EYS: variants seen among roughly 807,000 people sequenced by gnomAD.
EYS encodes protein eyes shut homolog.
EYS carries 250 observed loss-of-function variants against 282.1 expected under a neutral mutation model. The ratio of observed to expected loss-of-function variants is 0.89; its 90% CI spans 0.80 to 0.98. The LOEUF is 0.98. EYS is among the 50% of genes least tolerant of loss of function. The pLI, the probability that EYS is intolerant of heterozygous loss-of-function variation, is 0.00. For synonymous variants in EYS, 1,355 were observed against 1,282.9 expected, an observed-to-expected ratio of 1.06 and a Z score of -1.20; for missense variants, 4,016 against 3,709.0, an observed-to-expected ratio of 1.08 and a Z score of -2.15.
chr6:65,486,411 G>T (rs1765784530), intron 5 of EYS, among the ~76,000 whole-genome samples: 1 of 152,134 alleles, frequency 6.6e-6, no homozygotes, highest in Non-Finnish European at 1.5e-5. Flanking sequence ...TTTGGTAACA[G>T]AATGCTCTAG....
At chr6:65,607,661 A>ATC (rs10635073) in intron 2 of EYS, among the ~76,000 whole-genome samples, 54,027 of 151,504 alleles carry the variant, frequency 0.36, 12,006 homozygotes, top group Non-Finnish European at 0.49. Context: ...GAGATAATTA[A>ATC]TGTTTTAATA....
At chr6:65,556,345 C>T (rs2127339420) in intron 2 of EYS, among the ~76,000 whole-genome samples, 1 of 150,702 alleles carries the variant, frequency 6.6e-6, no homozygotes, top group East Asian at 2.0e-4. Flanking sequence ...TAAAATTTCC[C>T]TTACAGCTTT....
intron 15 of EYS, among the ~76,000 whole-genome samples, chr6:64,916,629 A>G (rs957263564): frequency 2.6e-5 from 4 of 152,202 alleles, no homozygotes; most frequent in African/African-American, 9.6e-5. Flanking sequence ...AAATAATTTC[A>G]GGATTTAGTG....
chr6:64,663,542 C>T (rs1047373990), intron 22 of EYS, among the ~76,000 whole-genome samples: 8 of 152,130 alleles, frequency 5.3e-5, no homozygotes, highest in East Asian at 1.9e-4. Flanking sequence ...GATCATTGTC[C>T]TCCCTTTGGA....
chr6:65,167,564 A>G (rs1765003364), intron 12 of EYS, among the ~76,000 whole-genome samples: 3 of 151,258 alleles, frequency 2.0e-5, no homozygotes. Context: ...ATATAGGTAC[A>G]TGGATACACA....
chr6:65,207,130 T>C (rs1351570949), intron 12 of EYS, among the ~76,000 whole-genome samples: 2 of 151,780 alleles, frequency 1.3e-5, no homozygotes, highest in South Asian at 4.1e-4. Context: ...AACCCCCTAA[T>C]AACTCCAAAG....
intron 41 of EYS, chr6:63,744,187 G>A (rs1769154009): frequency 6.6e-6 from 1 of 151,878 alleles, no homozygotes; most frequent in East Asian, 1.9e-4. Context: ...TTGTGTTCAA[G>A]CATACTTTAA....
intron 11 of EYS, among the ~76,000 whole-genome samples, chr6:65,305,807 T>C (rs943035760): frequency 6.6e-6 from 1 of 152,184 alleles, no homozygotes; most frequent in Non-Finnish European, 1.5e-5. Flanking sequence ...ATTTTTTATT[T>C]CTAATTCTCC....
intron 19 of EYS, among the ~76,000 whole-genome samples, chr6:64,849,123 T>A (rs1467179726): frequency 6.6e-6 from 1 of 151,986 alleles, no homozygotes; most frequent in East Asian, 1.9e-4. Context: ...TGAATGCATT[T>A]TGACATCAAG....
chr6:64,027,166 C>A (rs1008446021), intron 33 of EYS, among the ~76,000 whole-genome samples: 1 of 152,130 alleles, frequency 6.6e-6, no homozygotes, highest in Non-Finnish European at 1.5e-5. Flanking sequence ...CCACTGGGAC[C>A]TTGACTCAGA....
chr6:64,646,917 T>C (rs1325591855), intron 22 of EYS, among the ~76,000 whole-genome samples: 3 of 152,300 alleles, frequency 2.0e-5, no homozygotes, highest in Non-Finnish European at 2.9e-5. Flanking sequence ...ACCTAGTTTA[T>C]ACTTCTTTGT....
At chr6:65,472,299 G>C (rs1287983119) in intron 5 of EYS, among the ~76,000 whole-genome samples, 1 of 151,990 alleles carries the variant, frequency 6.6e-6, no homozygotes, top group Non-Finnish European at 1.5e-5. Context: ...AAGAATATGG[G>C]TATGTTTGGC....
At chr6:63,762,931 C>A (rs1769684826) in intron 40 of EYS, among the ~76,000 whole-genome samples, 1 of 151,994 alleles carries the variant, frequency 6.6e-6, no homozygotes, top group Non-Finnish European at 1.5e-5. Flanking sequence ...CACACCACCA[C>A]CTAAAGAAAA....
chr6:64,712,698 T>G (rs1583069953), intron 22 of EYS, among the ~76,000 whole-genome samples: 1 of 152,182 alleles, frequency 6.6e-6, no homozygotes, highest in South Asian at 2.1e-4. Context: ...ACCCCTTAAT[T>G]ACTAATGCCA....
intron 21 of EYS, among the ~76,000 whole-genome samples, chr6:64,814,710 T>C (rs1041386696): frequency 3.3e-5 from 5 of 151,996 alleles, no homozygotes; most frequent in South Asian, 2.1e-4. Context: ...TGGAAAGTTA[T>C]GACATCATTA....
At chr6:64,834,638 G>A (rs142906669) in intron 19 of EYS, among the ~76,000 whole-genome samples, 326 of 151,844 alleles carry the variant, frequency 2.1e-3, no homozygotes, top group African/African-American at 7.7e-3. Context: ...TTTATTCAAA[G>A]TTATAGGCAA....
At chr6:65,383,342 A>G (rs566275892) in intron 8 of EYS, among the ~76,000 whole-genome samples, 1 of 151,844 alleles carries the variant, frequency 6.6e-6, no homozygotes, top group Admixed American at 6.6e-5. Flanking sequence ...TCACTTTTAT[A>G]GTATTAATTT....
At chr6:65,604,224 A>C (rs1765705394) in intron 2 of EYS, among the ~76,000 whole-genome samples, 1 of 151,876 alleles carries the variant, frequency 6.6e-6, no homozygotes. Flanking sequence ...GAGGGAGTTG[A>C]TGTTGGTAAT....
chr6:64,089,998 T>G (rs535574691), intron 31 of EYS, among the ~76,000 whole-genome samples: 1 of 152,142 alleles, frequency 6.6e-6, no homozygotes, highest in Non-Finnish European at 1.5e-5. Flanking sequence ...CAGTTGATCA[T>G]CATGATTTGC....
Sources: allele counts gnomAD v4.1 joint callset (sites outside exome capture counted in the v4.1 genomes callset), GRCh38; gene constraint gnomAD v4.1.1; transcripts MANE v1.5; gene names NCBI Gene and HGNC (gene_info 2026-07-23, HGNC 2026-07-21).